SKAP1: variants seen among roughly 807,000 people sequenced by gnomAD.
The protein encoded by SKAP1 is src kinase associated phosphoprotein 1, also known as src kinase-associated phosphoprotein 1.
In SKAP1, 44 loss-of-function variants were observed where a neutral mutation model predicts 58.5. That is an observed-to-expected ratio of 0.75 (90% CI 0.59 to 0.97). The LOEUF is 0.97. Ranked by LOEUF, SKAP1 falls within the 50% of genes least tolerant of loss-of-function variation. The pLI, the probability that SKAP1 is intolerant of heterozygous loss-of-function variation, is 0.00. For synonymous variants in SKAP1, 127 were observed against 149.7 expected (o/e 0.85, Z 1.11); for missense variants, 390 against 435.2 (o/e 0.90, Z 0.92).
At chr17:48,355,872 C>T (rs900726456) in intron 3 of SKAP1, among the ~76,000 whole-genome samples, 1 of 151,188 alleles carries the variant, frequency 6.6e-6, no homozygotes, top group Non-Finnish European at 1.5e-5. Context: ...ACTCAACACA[C>T]CTATATATAC....
At chr17:48,205,072 CTCTT>C (rs1244475653) in intron 4 of SKAP1, among the ~76,000 whole-genome samples, 10 of 137,664 alleles carry the variant, frequency 7.3e-5, no homozygotes, top group East Asian at 2.2e-4. Context: ...TTCTCTCTCT[CTCTT>C]TCTTTCTTTC....
At chr17:48,267,880 T>C (rs1276588229) in intron 4 of SKAP1, among the ~76,000 whole-genome samples, 1 of 152,188 alleles carries the variant, frequency 6.6e-6, no homozygotes, top group Non-Finnish European at 1.5e-5. Flanking sequence ...GCACACCATT[T>C]CTCATGTGAT....
chr17:48,227,334 T>C (rs938622978), intron 4 of SKAP1, among the ~76,000 whole-genome samples: 15 of 152,214 alleles, frequency 9.9e-5, no homozygotes, highest in Non-Finnish European at 1.0e-4. Flanking sequence ...ATTTGATTTA[T>C]CTGCAGTTTG....
chr17:48,331,373 A>G (rs1409279625), intron 4 of SKAP1, among the ~76,000 whole-genome samples: 1 of 152,172 alleles, frequency 6.6e-6, no homozygotes, highest in Non-Finnish European at 1.5e-5. Flanking sequence ...CTCTGCTCTT[A>G]GGCTCTTACC....
intron 4 of SKAP1, among the ~76,000 whole-genome samples, chr17:48,198,742 A>G (rs935722235): frequency 5.3e-5 from 8 of 152,088 alleles, no homozygotes; most frequent in African/African-American, 1.9e-4. Context: ...TTTTGATTTT[A>G]TCAATAACAC....
chr17:48,171,867 C>T (rs559375830), intron 9 of SKAP1, among the ~76,000 whole-genome samples: 37 of 152,072 alleles, frequency 2.4e-4, no homozygotes, highest in African/African-American at 8.9e-4. Context: ...TGGAGACCAG[C>T]CTGGTCAACA....
intron 4 of SKAP1, among the ~76,000 whole-genome samples, chr17:48,255,830 A>G (rs1288454078): frequency 6.6e-6 from 1 of 152,094 alleles, no homozygotes; most frequent in Non-Finnish European, 1.5e-5. Context: ...TCACCCTAGG[A>G]GAATATAAGT....
chr17:48,324,661 T>C (rs1436811028), intron 4 of SKAP1, among the ~76,000 whole-genome samples: 1 of 152,130 alleles, frequency 6.6e-6, no homozygotes, highest in African/African-American at 2.4e-5. Context: ...TGGTAGTAGC[T>C]CAGGTATTTC....
chr17:48,284,999 G>T (rs946605045), intron 4 of SKAP1, among the ~76,000 whole-genome samples: 19 of 152,192 alleles, frequency 1.2e-4, no homozygotes, highest in Non-Finnish European at 2.5e-4. Flanking sequence ...TGCCTATAGA[G>T]CAATTATTAA....
chr17:48,330,889 T>C (rs1385796294), intron 4 of SKAP1, among the ~76,000 whole-genome samples: 2 of 152,082 alleles, frequency 1.3e-5, no homozygotes, highest in Non-Finnish European at 2.9e-5. Flanking sequence ...ATAACCAGGA[T>C]TATCCCATGG....
In SKAP1 at chr17:48,399,762, CA is replaced by C. The variant is rs71141990; in HGVS notation, c.47-2978del. The stretch of plus-strand genomic sequence containing the variant: ...GGGTGGCAGAGCAAGACTCTTGTCT[CA>C]AAAAAAAAAAAAAATTAAAAAGAAA... On this transcript the variant is annotated intron_variant, in intron 1 of 12. Coordinates refer to ENST00000336915, the MANE Select transcript of SKAP1 (RefSeq NM_003726.4). 1.5e-3 allele frequency among the ~76,000 whole-genome samples: 208 copies of C among 134,194 alleles called. 1 individual carries two copies. Among genetic ancestry groups the C allele is most frequent in the South Asian group, 1.7e-3 (7 of 4,024 alleles). 88.0% of individuals were successfully genotyped at this position (134,194 alleles called of 152,430 possible).
intron 4 of SKAP1, chr17:48,231,806 C>A (rs912780754): frequency 1.3e-5 from 2 of 152,154 alleles, no homozygotes. Flanking sequence ...ACTATATAAC[C>A]TAGTGTTAAT....
intron 12 of SKAP1, among the ~76,000 whole-genome samples, chr17:48,134,947 A>G (rs2325784): frequency 0.92 from 139,250 of 152,174 alleles, 63,867 homozygotes; most frequent in African/African-American, 0.97. Context: ...CAAGTGATCC[A>G]CCTGCCTTGG....
intron 4 of SKAP1, among the ~76,000 whole-genome samples, chr17:48,266,552 C>T (rs2065552852): frequency 6.7e-6 from 1 of 149,798 alleles, no homozygotes; most frequent in South Asian, 2.1e-4. Flanking sequence ...ACTCTGTCAC[C>T]CAGGCTGGAG....
intron 9 of SKAP1, among the ~76,000 whole-genome samples, chr17:48,173,552 G>T (rs2064246215): frequency 6.6e-6 from 1 of 152,128 alleles, no homozygotes; most frequent in Non-Finnish European, 1.5e-5. Context: ...GGAAAAGTTG[G>T]TACAACCTCA....
chr17:48,259,990 T>C (rs182785475), intron 4 of SKAP1, among the ~76,000 whole-genome samples: 2 of 152,290 alleles, frequency 1.3e-5, no homozygotes, highest in East Asian at 3.9e-4. Flanking sequence ...AAATAAATAA[T>C]TTCCTGAAAT....
intron 1 of SKAP1, among the ~76,000 whole-genome samples, chr17:48,429,532 C>T (rs1333834564): frequency 6.6e-6 from 1 of 152,152 alleles, no homozygotes; most frequent in Non-Finnish European, 1.5e-5. Context: ...GACCCCTAGA[C>T]GTCTGCAGGG....
At chr17:48,214,603 T>C (rs1164403441) in intron 4 of SKAP1, among the ~76,000 whole-genome samples, 1 of 143,540 alleles carries the variant, frequency 7.0e-6, no homozygotes, top group Admixed American at 7.6e-5. Flanking sequence ...GAAGCTGAAC[T>C]TTCTCCAGTT....
intron 11 of SKAP1, among the ~76,000 whole-genome samples, chr17:48,149,333 G>A (rs1248465150): frequency 5.9e-5 from 9 of 152,122 alleles, no homozygotes; most frequent in African/African-American, 2.2e-4. Context: ...GTCTAGCTGG[G>A]GTGGGTTTTG....
Sources: gnomAD v4.1 joint callset for allele counts (sites outside exome capture counted in the v4.1 genomes callset) on GRCh38, gnomAD v4.1.1 for gene constraint, MANE v1.5 for transcripts, NCBI Gene and HGNC (gene_info 2026-07-23, HGNC 2026-07-21) for gene names.